The following PRRX1 variants were observed in gnomAD, a reference collection of about 807,000 sequenced individuals.
PRRX1 encodes the protein paired related homeobox 1.
PRRX1 carries 8 observed loss-of-function variants against 24.0 expected under a neutral mutation model. That is an observed-to-expected ratio of 0.33 (90% confidence interval 0.20 to 0.60). The LOEUF (loss-of-function observed/expected upper bound fraction) is 0.60. Ranked by LOEUF, PRRX1 falls within the 20% of genes least tolerant of loss-of-function variation. The pLI is 0.82. For synonymous variants in PRRX1, 160 were observed against 131.7 expected (o/e 1.22, Z -1.47); for missense variants, 281 against 322.4 (o/e 0.87, Z 0.98).
At chr1:170,734,767 ATTTC>A (rs1320834244) in intron 3 of PRRX1, among the ~76,000 whole-genome samples, 1 of 152,132 alleles carries the variant, frequency 6.6e-6, no homozygotes, top group Non-Finnish European at 1.5e-5. Flanking sequence ...GACTCATTAT[ATTTC>A]TTAACTTAAT....
intron 1 of PRRX1, among the ~76,000 whole-genome samples, chr1:170,690,508 TC>T (rs1571324932): frequency 6.6e-6 from 1 of 152,106 alleles, no homozygotes; most frequent in Non-Finnish European, 1.5e-5. Flanking sequence ...TATGAGAAAG[TC>T]AGTTGGATCT....
Position 170,726,382 on chromosome 1 carries a change from G to C in PRRX1, c.580G>C (p.Gly194Arg), listed in dbSNP as rs760267315. The part of the protein sequence containing the change: ...APRPTDYLSW[G>R]TASPYSAMAT... The stretch of plus-strand genomic sequence containing the variant: ...GAGACCCACCGATTATCTCTCCTGG[G>C]GGACAGCGTCTCCGTACAGGTGAAT... The change falls in exon 3 of 4, where the codon GGG becomes CGG. Residue 194 changes from glycine (G) to arginine (R), a missense_variant. Transcript: ENST00000239461. 14 of 1,613,922 alleles carry C rather than the reference G, an allele frequency of 8.7e-6. No homozygotes were observed. The highest frequency in any genetic ancestry group is 1.2e-5 in the Non-Finnish European group (14 of 1,179,870).
chr1:170,719,865 T>C lies in PRRX1; in HGVS notation c.381T>C (p.Leu127=). The C allele has an allele frequency of 6.2e-7, 1 of 1,614,164 alleles. No individual in the cohort carries two copies. The highest frequency in any genetic ancestry group is 8.5e-7 in the Non-Finnish European group (1 of 1,180,020). ...HYPDAFVRED[L]ARRVNLTEAR... The stretch of plus-strand genomic sequence containing the variant: ...CTGATGCTTTTGTGCGAGAAGACCT[T>C]GCCCGCCGGGTGAACCTCACCGAGG... The change falls in exon 2 of 4, where the codon CTT becomes CTC. Residue 127 remains leucine (L), a synonymous_variant. Coordinates refer to ENST00000239461, the MANE Select transcript of PRRX1 (RefSeq NM_022716.4).
intron 1 of PRRX1, among the ~76,000 whole-genome samples, 164 bp from the exon 2 acceptor site, chr1:170,719,562 G>A (rs568645087): frequency 4.6e-5 from 7 of 152,336 alleles, no homozygotes; most frequent in Admixed American, 1.3e-4. Context: ...ACTTGAGAGC[G>A]CTAATGGCCA....
At chr1:170,693,998 G>C (rs1049685992) in intron 1 of PRRX1, among the ~76,000 whole-genome samples, 1 of 151,894 alleles carries the variant, frequency 6.6e-6, no homozygotes, top group Admixed American at 6.6e-5. Context: ...ATGAAGCAAA[G>C]AGAGGCTTAG....
At chr1:170,713,326 A>G (rs1386071623) in intron 1 of PRRX1, among the ~76,000 whole-genome samples, 1 of 152,160 alleles carries the variant, frequency 6.6e-6, no homozygotes, top group African/African-American at 2.4e-5. Context: ...TACAGTTCCA[A>G]TATGGGACTA....
rs79732385 is a variant in PRRX1, at chr1:170,683,211, G to C, written c.241+18752G>C. Reference sequence around the variant, plus strand: ...TGCTTTATGGAGAATGGATATTAGAGGAAGAAGGAGAAGCAGTTAGGAGGT... The same window carrying C: ...TGCTTTATGGAGAATGGATATTAGACGAAGAAGGAGAAGCAGTTAGGAGGT... On this transcript the variant is annotated intron_variant, in intron 1 of 3. Coordinates refer to ENST00000239461, the MANE Select transcript of PRRX1 (RefSeq NM_022716.4). Among the ~76,000 whole-genome samples the C allele has an allele frequency of 9.9e-3, 1,501 of 152,304 alleles. 25 individuals carry two copies. The highest frequency in any genetic ancestry group is 0.034 in the African/African-American group (1,410 of 41,542).
upstream of PRRX1, chr1:170,663,481 CT>C (rs11362762): frequency 1 from 149,930 of 150,644 alleles, 74,614 homozygotes; most frequent in South Asian, 1. Flanking sequence ...CTCTTGAAGC[CT>C]TTTTTTTTTA....
intron 1 of PRRX1, among the ~76,000 whole-genome samples, chr1:170,681,367 G>A (rs1159437170): frequency 1.3e-5 from 2 of 152,136 alleles, no homozygotes; most frequent in Admixed American, 6.5e-5. Flanking sequence ...GAAGGAAGTG[G>A]TTGAGTTCAA....
chr1:170,687,642 G>A (rs753939561), intron 1 of PRRX1, among the ~76,000 whole-genome samples: 1 of 152,168 alleles, frequency 6.6e-6, no homozygotes, highest in Admixed American at 6.5e-5. Context: ...TATAGGATAT[G>A]GTTAGCATTG....
At chr1:170,733,134 G>A (rs986294772) in intron 3 of PRRX1, among the ~76,000 whole-genome samples, 1 of 152,134 alleles carries the variant, frequency 6.6e-6, no homozygotes, top group South Asian at 2.1e-4. Context: ...GAGAAACTCA[G>A]TATTTCCAAG....
Position 170,726,294 on chromosome 1 carries a change from C to G in PRRX1, c.492C>G (p.Leu164=), listed in dbSNP as rs750047066. 7 of 1,614,060 alleles carry G rather than the reference C, an allele frequency of 4.3e-6. No individual in the cohort carries two copies. The highest frequency in any genetic ancestry group is 1.1e-5 in the South Asian group (1 of 91,074). ...RAMLANKNAS[L]LKSYSGDVTA... ...TGCTAGCCAATAAAAACGCTTCCCTCCTCAAATCCTACTCAGGAGACGTGA... is the reference window on the plus strand; with the variant it reads ...TGCTAGCCAATAAAAACGCTTCCCTGCTCAAATCCTACTCAGGAGACGTGA... The change falls in exon 3 of 4, where the codon CTC becomes CTG. Residue 164 remains leucine, a synonymous_variant. Transcript: ENST00000239461.
chr1:170,735,995 C>T (rs1205168868), intron 3 of PRRX1, 53 bp from the exon 4 acceptor site: 4 of 1,609,984 alleles, frequency 2.5e-6, no homozygotes. Flanking sequence ...AGACTTGCAG[C>T]TTTGTGAAAC....
Position 170,664,270 on chromosome 1 carries a change from C to T in PRRX1, c.52C>T (p.Arg18Cys). 6.2e-7 allele frequency: 1 copy of T among 1,613,030 alleles called. No individual in the cohort carries two copies. Among genetic ancestry groups the T allele is most frequent in the South Asian group, 1.1e-5 (1 of 90,746 alleles). ...VLERQPALGGRLDSPGNLDTL... is the reference protein window; with the variant it reads ...VLERQPALGGCLDSPGNLDTL... ...GGAGCGGCAACCGGCGCTGGGCGGC[C>T]GCTTGGACAGCCCGGGCAACCTCGA... Residue 18 changes from arginine (R) to cysteine (C), a missense_variant, in exon 1 of 4, where the codon CGC becomes TGC. Arg to Cys is a radical substitution (Grantham distance 180, BLOSUM62 -3). Transcript: ENST00000239461.
At chr1:170,708,328 T>C (rs1415132339) in intron 1 of PRRX1, among the ~76,000 whole-genome samples, 1 of 152,196 alleles carries the variant, frequency 6.6e-6, no homozygotes, top group Admixed American at 6.5e-5. Context: ...TGTAACTTTT[T>C]TTTTTCTCAT....
rs542775403 is a variant in PRRX1, at chr1:170,738,305, A to T, written c.*2119A>T. The T allele has an allele frequency of 4.4e-6, 1 of 225,368 alleles. No homozygotes were observed. The highest frequency in any genetic ancestry group is 8.8e-6 in the Non-Finnish European group (1 of 113,090). 14.0% of individuals were successfully genotyped at this position (225,368 alleles called of 1,614,324 possible). On this transcript the variant is annotated 3_prime_UTR_variant, in exon 4 of 4. Transcript: ENST00000239461. ...TTGAGCTAATGGTGATGTTATTTCA[A>T]TCTAACAGCCACCAATCTGAAATTG...
chr1:170,664,445 C>G lies in PRRX1; in HGVS notation c.227C>G (p.Thr76Ser), dbSNP rs1372893101. The G allele has an allele frequency of 3.1e-6, 5 of 1,603,654 alleles. No homozygotes were observed. Among genetic ancestry groups the G allele is most frequent in the East Asian group, 2.2e-5 (1 of 44,548 alleles). ...ESPGLTSGSD[T>S]PQQDNDQLNS... The stretch of plus-strand genomic sequence containing the variant: ...CCGGGACTCACCAGCGGCAGCGACA[C>G]CCCGCAGCAGGACAGTGAGTGAGGG... Residue 76 changes from threonine (T) to serine (S), a missense_variant, in exon 1 of 4, where the codon ACC becomes AGC. Coordinates refer to ENST00000239461, the MANE Select transcript of PRRX1 (RefSeq NM_022716.4).
upstream of PRRX1, chr1:170,663,333 C>T (rs1157298830): frequency 6.6e-6 from 1 of 152,212 alleles, no homozygotes; most frequent in East Asian, 1.9e-4. Flanking sequence ...CCTACAAAGC[C>T]TCCTCTGCAT....
chr1:170,724,165 C>G (rs1655176982), intron 2 of PRRX1, among the ~76,000 whole-genome samples: 1 of 152,036 alleles, frequency 6.6e-6, no homozygotes, highest in South Asian at 2.1e-4. Flanking sequence ...TTTGTTTAAG[C>G]TCCTTGTAGA....
Sources: gnomAD v4.1 joint callset for allele counts (sites outside exome capture counted in the v4.1 genomes callset) on GRCh38, gnomAD v4.1.1 for gene constraint, MANE v1.5 for transcripts, NCBI Gene and HGNC (gene_info 2026-07-23, HGNC 2026-07-21) for gene names.